The following COBL variants were observed in gnomAD, a reference collection of about 807,000 sequenced individuals.
COBL encodes the protein protein cordon-bleu.
A neutral mutation model predicts 98.8 loss-of-function variants in COBL; 51 were observed. The observed-to-expected ratio is 0.52, with a 90% CI of 0.41 to 0.65. COBL has a LOEUF of 0.65. Ranked by LOEUF, COBL falls within the 30% of genes least tolerant of loss-of-function variation. The pLI is 0.00. For missense variants in COBL, 1,617 were observed against 1,617.5 expected, an observed-to-expected ratio of 1.00 and a Z score of 0.01; for synonymous variants, 634 against 651.7, an observed-to-expected ratio of 0.97 and a Z score of 0.41.
chr7:51,158,999 G>A (rs1262509302), intron 5 of COBL, among the ~76,000 whole-genome samples: 1 of 152,132 alleles, frequency 6.6e-6, no homozygotes, highest in Non-Finnish European at 1.5e-5. Flanking sequence ...CCCTGGGACT[G>A]CCAGTGTGTG....
chr7:51,189,587 T>C (rs1349621427), intron 4 of COBL, among the ~76,000 whole-genome samples: 3 of 152,040 alleles, frequency 2.0e-5, no homozygotes, highest in Non-Finnish European at 4.4e-5. Context: ...TGAGCCGATA[T>C]TGCACCATTG....
intron 5 of COBL, among the ~76,000 whole-genome samples, chr7:51,137,380 C>T (rs561122697): frequency 6.6e-6 from 1 of 152,246 alleles, no homozygotes; most frequent in African/African-American, 2.4e-5. Flanking sequence ...ATAGTTCCTG[C>T]ATTACAAAGC....
At chr7:51,040,414 T>A (rs1392487428) in intron 8 of COBL, among the ~76,000 whole-genome samples, 1 of 152,058 alleles carries the variant, frequency 6.6e-6, no homozygotes, top group African/African-American at 2.4e-5. Flanking sequence ...GCTGACCACA[T>A]CCCAGTGAAG....
chr7:51,178,624 T>C (rs1788641036), intron 5 of COBL, among the ~76,000 whole-genome samples: 1 of 152,066 alleles, frequency 6.6e-6, no homozygotes, highest in Non-Finnish European at 1.5e-5. Flanking sequence ...ACTGAGTCTC[T>C]CTTCTTTTTT....
intron 1 of COBL, among the ~76,000 whole-genome samples, chr7:51,268,639 T>C (rs1364338471): frequency 6.6e-6 from 1 of 152,062 alleles, no homozygotes; most frequent in African/African-American, 2.4e-5. Context: ...GGTGTCTTTA[T>C]CAGGCTCCCC....
In COBL at chr7:51,017,442, G is replaced by A; in HGVS notation, c.*109C>T. 8.6e-7 allele frequency: 1 copy of A among 1,167,248 alleles called. No individual in the cohort carries two copies. The highest frequency in any genetic ancestry group is 1.2e-5 in the South Asian group (1 of 81,468). 72.3% of individuals were successfully genotyped at this position (1,167,248 alleles called of 1,614,324 possible). ...ATCAACTGTGCGCATTTGGCCTGTA[G>A]ACAAGAAAGTAACACCAAAACTTGA... is the stretch of plus-strand genomic sequence containing the variant. On this transcript the variant is annotated 3_prime_UTR_variant, in exon 13 of 13. Transcript: ENST00000265136.
chr7:51,138,224 A>G (rs1799417918), intron 5 of COBL, among the ~76,000 whole-genome samples: 3 of 152,204 alleles, frequency 2.0e-5, no homozygotes, highest in African/African-American at 4.8e-5. Flanking sequence ...AACACTCGTC[A>G]ATGCCTATTT....
At chr7:51,106,841 T>C (rs1317521174) in intron 6 of COBL, among the ~76,000 whole-genome samples, 1 of 148,128 alleles carries the variant, frequency 6.8e-6, no homozygotes, top group Non-Finnish European at 1.5e-5. Context: ...TGGAAAGTTA[T>C]GAGGAGAAAC....
chr7:51,187,567 G>C (rs993506872), intron 4 of COBL, among the ~76,000 whole-genome samples: 1 of 152,142 alleles, frequency 6.6e-6, no homozygotes, highest in Non-Finnish European at 1.5e-5. Flanking sequence ...AGCATGGGCA[G>C]GCAGAGGTGA....
chr7:51,171,747 T>C (rs142323039), intron 5 of COBL, among the ~76,000 whole-genome samples: 8 of 152,310 alleles, frequency 5.3e-5, no homozygotes, highest in African/African-American at 1.7e-4. Context: ...TTAGATATTT[T>C]AATTTTATAA....
intron 5 of COBL, among the ~76,000 whole-genome samples, chr7:51,145,056 C>T (rs903520039): frequency 1.3e-5 from 2 of 152,206 alleles, no homozygotes; most frequent in Non-Finnish European, 2.9e-5. Flanking sequence ...CTCTTGTCGC[C>T]CAGGCTGGAG....
intron 11 of COBL, among the ~76,000 whole-genome samples, chr7:51,025,976 T>C (rs1191257398): frequency 1.3e-5 from 2 of 152,202 alleles, no homozygotes; most frequent in African/African-American, 2.4e-5. Context: ...TCTTGGCATA[T>C]AAGAATAGAC....
At chr7:51,146,447 C>T (rs1279063784) in intron 5 of COBL, among the ~76,000 whole-genome samples, 3 of 152,144 alleles carry the variant, frequency 2.0e-5, no homozygotes, top group African/African-American at 4.8e-5. Context: ...TCAAAGCGAT[C>T]GGCAGTTTCC....
intron 1 of COBL, among the ~76,000 whole-genome samples, chr7:51,282,710 T>G (rs564295692): frequency 6.6e-6 from 1 of 152,186 alleles, no homozygotes; most frequent in Admixed American, 6.5e-5. Flanking sequence ...TAATTGACAT[T>G]ACTAGAATTC....
intron 7 of COBL, among the ~76,000 whole-genome samples, chr7:51,056,209 T>G (rs1299005251): frequency 4.1e-5 from 5 of 122,120 alleles, no homozygotes; most frequent in East Asian, 2.4e-4. Context: ...AGAAACAATA[T>G]GGGGGGGTGC....
At chr7:51,048,050 C>T (rs762752147) in intron 7 of COBL, among the ~76,000 whole-genome samples, 3 of 152,016 alleles carry the variant, frequency 2.0e-5, no homozygotes, top group Non-Finnish European at 2.9e-5. Flanking sequence ...ACCTGTAATC[C>T]CAGCTACTCG....
At chr7:51,193,944 A>G (rs996494618) in intron 2 of COBL, among the ~76,000 whole-genome samples, 1 of 152,200 alleles carries the variant, frequency 6.6e-6, no homozygotes, top group Admixed American at 6.5e-5. Context: ...TCAGAAATAT[A>G]ATGTATCTTT....
chr7:51,165,540 T>A (rs937401528), intron 5 of COBL, among the ~76,000 whole-genome samples: 1 of 151,984 alleles, frequency 6.6e-6, no homozygotes, highest in African/African-American at 2.4e-5. Context: ...CACCCCAATT[T>A]CAGCACTGGA....
chr7:51,028,598 C>A lies in COBL; in HGVS notation c.2498G>T (p.Arg833Ile). 6.2e-7 allele frequency: 1 copy of A among 1,614,106 alleles called. No homozygotes were observed. The highest frequency in any genetic ancestry group is 8.5e-7 in the Non-Finnish European group (1 of 1,179,976). The change falls in exon 10 of 13, where the codon AGA becomes ATA. Residue 833 changes from arginine to isoleucine, a missense_variant. Arg to Ile is a moderately conservative substitution (Grantham distance 97). Coordinates refer to ENST00000265136, the MANE Select transcript of COBL (RefSeq NM_015198.5). Reference sequence around the variant, plus strand: ...CATGCCCATGGTGGGGGGCTGGTTTCTCCCCTCCCCTAGGGGGTTCCGGCC... The same window carrying A: ...CATGCCCATGGTGGGGGGCTGGTTTATCCCCTCCCCTAGGGGGTTCCGGCC... ...HEGRNPLGEG[R>I]NQPPTMGMGH...
Sources: allele counts gnomAD v4.1 joint callset (sites outside exome capture counted in the v4.1 genomes callset), GRCh38; gene constraint gnomAD v4.1.1; transcripts MANE v1.5; gene names NCBI Gene and HGNC (gene_info 2026-07-23, HGNC 2026-07-21).